GPC5: variants seen among roughly 807,000 people sequenced by gnomAD.
GPC5 encodes glypican-5.
Under a neutral mutation model 53.9 loss-of-function variants are expected in GPC5, and 47 were observed. The observed-to-expected ratio is 0.87, with a 90% CI of 0.69 to 1.11. The LOEUF (loss-of-function observed/expected upper bound fraction) is 1.11. GPC5 is among the 50% of genes most tolerant of loss of function. GPC5 has a pLI of 0.00. For synonymous variants in GPC5, 286 were observed against 263.3 expected (o/e 1.09, Z -0.84); for missense variants, 748 against 713.1 (o/e 1.05, Z -0.56).
chr13:91,580,450 A>G (rs1428776264), intron 2 of GPC5, among the ~76,000 whole-genome samples: 1 of 152,212 alleles, frequency 6.6e-6, no homozygotes, highest in Non-Finnish European at 1.5e-5. Context: ...TTCTTGAATG[A>G]AATTTTTAGC....
At chr13:91,853,358 C>T (rs1157095936) in intron 5 of GPC5, among the ~76,000 whole-genome samples, 3 of 151,860 alleles carry the variant, frequency 2.0e-5, no homozygotes, top group Non-Finnish European at 4.4e-5. Context: ...ATGGCAAATA[C>T]ATTGATCAGC....
rs575623409 is a variant in GPC5 at position 91,464,446 on chromosome 13, G to T, written c.325+15524G>T. Among the ~76,000 whole-genome samples the T allele has an allele frequency of 2.2e-4, 33 of 152,220 alleles. 1 individual carries two copies. The South Asian group carries it at 6.6e-3, about 31-fold the overall frequency. ...ACGAATGTTCATAGCAGCTTTATTT[G>T]TAGTAGCCCCAAACAGGAAATTAAT... On this transcript the variant is annotated intron_variant, in intron 2 of 7. Transcript: ENST00000377067.
At chr13:92,601,554 C>CAAAAAA (rs57333686) in intron 7 of GPC5, among the ~76,000 whole-genome samples, 11 of 67,394 alleles carry the variant, frequency 1.6e-4, no homozygotes, top group East Asian at 4.6e-4. Context: ...GACTCCATCT[C>CAAAAAA]AAAAAAAAAA....
chr13:92,334,819 A>G lies in GPC5; in HGVS notation c.1561+189830A>G, dbSNP rs542084115. ...TAAAGTTCCAAAATGACCTCATTTG[A>G]CTCCGTGTCTCACATCCAGGTCACA... On this transcript the variant is annotated intron_variant, in intron 7 of 7. Coordinates refer to ENST00000377067, the MANE Select transcript of GPC5 (RefSeq NM_004466.6). Among the ~76,000 whole-genome samples, 8 of 152,142 alleles carry G rather than the reference A, an allele frequency of 5.3e-5. No individual in the cohort carries two copies. The East Asian group carries it at 1.6e-3, about 30-fold the overall frequency.
At chr13:92,410,919 G>A (rs1317333094) in intron 7 of GPC5, among the ~76,000 whole-genome samples, 2 of 152,158 alleles carry the variant, frequency 1.3e-5, no homozygotes, top group Non-Finnish European at 2.9e-5. Context: ...ACAGCAGAAT[G>A]TATTACATCT....
At chr13:92,256,415 A>T (rs2042726847) in intron 7 of GPC5, among the ~76,000 whole-genome samples, 1 of 152,042 alleles carries the variant, frequency 6.6e-6, no homozygotes, top group Non-Finnish European at 1.5e-5. Context: ...TCCTCAAAGG[A>T]ATTTGTGTTT....
chr13:91,951,491 G>A (rs118127219), intron 6 of GPC5, among the ~76,000 whole-genome samples: 5,711 of 152,184 alleles, frequency 0.038, 167 homozygotes, highest in Middle Eastern at 0.11. Flanking sequence ...CTTTTAATTC[G>A]TTTAGCTCAG....
intron 6 of GPC5, among the ~76,000 whole-genome samples, chr13:91,983,917 C>A (rs1384357050): frequency 2.6e-5 from 4 of 152,176 alleles, no homozygotes; most frequent in Non-Finnish European, 5.9e-5. Flanking sequence ...AGACACTCTG[C>A]TCTTTATTTG....
intron 7 of GPC5, among the ~76,000 whole-genome samples, chr13:92,519,240 A>T (rs1880926981): frequency 6.6e-6 from 1 of 152,208 alleles, no homozygotes; most frequent in East Asian, 1.9e-4. Context: ...GTTAATAAGG[A>T]TATCCAGGAG....
chr13:92,831,667 G>A (rs1261229351), intron 7 of GPC5, among the ~76,000 whole-genome samples: 1 of 152,116 alleles, frequency 6.6e-6, no homozygotes, highest in Non-Finnish European at 1.5e-5. Flanking sequence ...GATTCCATGT[G>A]ATAGAAAAGC....
intron 7 of GPC5, among the ~76,000 whole-genome samples, chr13:92,472,305 A>T (rs1470422424): frequency 3.9e-4 from 59 of 152,032 alleles, no homozygotes; most frequent in Admixed American, 3.9e-3. Flanking sequence ...ATCTCTTTCC[A>T]CTTTGCTGGC....
chr13:91,831,353 G>T (rs1385683012), intron 5 of GPC5, among the ~76,000 whole-genome samples: 1 of 151,652 alleles, frequency 6.6e-6, no homozygotes, highest in Non-Finnish European at 1.5e-5. Context: ...ATTAGATTGT[G>T]CCCACCAGAT....
At chr13:92,519,830 G>T (rs1326172983) in intron 7 of GPC5, among the ~76,000 whole-genome samples, 2 of 152,220 alleles carry the variant, frequency 1.3e-5, no homozygotes, top group African/African-American at 4.8e-5. Flanking sequence ...AAAAATCAAT[G>T]AATCCAGGAT....
intron 1 of GPC5, among the ~76,000 whole-genome samples, chr13:91,409,116 C>T (rs935962323): frequency 1.3e-5 from 2 of 152,082 alleles, no homozygotes; most frequent in Non-Finnish European, 2.9e-5. Context: ...CTCTCTTATT[C>T]GGTAAGGTTA....
intron 7 of GPC5, among the ~76,000 whole-genome samples, chr13:92,328,872 C>T (rs775256115): frequency 2.0e-5 from 3 of 152,124 alleles, no homozygotes; most frequent in Non-Finnish European, 2.9e-5. Context: ...AATTGACTCT[C>T]TACTTAGGAC....
intron 2 of GPC5, among the ~76,000 whole-genome samples, chr13:91,587,919 G>T (rs575824767): frequency 6.6e-6 from 1 of 152,222 alleles, no homozygotes; most frequent in East Asian, 1.9e-4. Flanking sequence ...TATTATGCTT[G>T]CTCTATGCTA....
chr13:92,133,279 T>A (rs1217841015), intron 6 of GPC5, among the ~76,000 whole-genome samples: 2 of 152,148 alleles, frequency 1.3e-5, no homozygotes, highest in Non-Finnish European at 2.9e-5. Flanking sequence ...AAGGTGAGAA[T>A]CAGAATGACA....
At chr13:91,683,152 C>G (rs1347465087) in intron 2 of GPC5, among the ~76,000 whole-genome samples, 1 of 151,812 alleles carries the variant, frequency 6.6e-6, no homozygotes, top group African/African-American at 2.4e-5. Context: ...AAAGAGAGGC[C>G]TAGGGAGATT....
intron 7 of GPC5, among the ~76,000 whole-genome samples, chr13:92,271,239 G>C (rs992563233): frequency 6.6e-6 from 1 of 152,218 alleles, no homozygotes; most frequent in Non-Finnish European, 1.5e-5. Context: ...TGCCAAAGGT[G>C]ATATTTTTGG....
Sources: allele counts gnomAD v4.1 joint callset (sites outside exome capture counted in the v4.1 genomes callset), GRCh38; gene constraint gnomAD v4.1.1; transcripts MANE v1.5; gene names NCBI Gene and HGNC (gene_info 2026-07-23, HGNC 2026-07-21).